Variants in RELN observed in about 807,000 individuals in gnomAD.
RELN encodes reelin.
A neutral mutation model predicts 427.6 loss-of-function variants in RELN; 108 were observed. The ratio of observed to expected loss-of-function variants is 0.25; its 90% CI spans 0.22 to 0.30. The LOEUF (loss-of-function observed/expected upper bound fraction) is 0.30, where lower values mean the gene tolerates loss of function less well. Ranked by LOEUF, RELN falls within the 10% of genes least tolerant of loss-of-function variation. RELN has a pLI of 1.00. For synonymous variants in RELN, 1,524 were observed against 1,513.4 expected, an observed-to-expected ratio of 1.01 and a Z score of -0.16; for missense variants, 3,715 against 4,302.8, an observed-to-expected ratio of 0.86 and a Z score of 3.82.
intron 20 of RELN, among the ~76,000 whole-genome samples, chr7:103,623,216 T>C (rs183447002): frequency 1.6e-4 from 24 of 152,340 alleles, no homozygotes; most frequent in Non-Finnish European, 5.9e-5. Flanking sequence ...AATCATTTAC[T>C]GTGAAATGGT....
chr7:103,894,495 A>C (rs773636729), intron 2 of RELN, among the ~76,000 whole-genome samples: 1 of 152,156 alleles, frequency 6.6e-6, no homozygotes, highest in Admixed American at 6.6e-5. Flanking sequence ...ATTTAAAAGC[A>C]TGCTATTTTT....
chr7:103,568,192 C>T (rs896935445), intron 31 of RELN, among the ~76,000 whole-genome samples: 23 of 152,308 alleles, frequency 1.5e-4, no homozygotes, highest in Admixed American at 5.9e-4. Context: ...AACCCTTTAT[C>T]ACATTGGATA....
Position 103,551,076 on chromosome 7 carries a change from T to C in RELN, c.6293A>G (p.His2098Arg). Reference sequence around the variant, plus strand: ...AGCAGCGGGTCCTTACCCACAAAGGTGCAGCTTCCCAAAGTGCACGACCTC... The same window carrying C: ...AGCAGCGGGTCCTTACCCACAAAGGCGCAGCTTCCCAAAGTGCACGACCTC... ...RREVVHFGKL[H>R]LCGSVRFRWY... Residue 2098 changes from histidine to arginine, a missense_variant, in exon 41 of 65, where the codon CAC (histidine) becomes CGC (arginine). Coordinates refer to ENST00000428762, the MANE Select transcript of RELN (RefSeq NM_005045.4). 1 of 1,612,932 alleles carries C rather than the reference T, an allele frequency of 6.2e-7. No homozygotes were observed. The highest frequency in any genetic ancestry group is 8.5e-7 in the Non-Finnish European group (1 of 1,179,806).
chr7:103,958,731 G>C (rs1796487487), intron 1 of RELN, among the ~76,000 whole-genome samples: 1 of 152,034 alleles, frequency 6.6e-6, no homozygotes, highest in African/African-American at 2.4e-5. Context: ...TTACTGAATT[G>C]AGATTAAAGT....
intron 38 of RELN, among the ~76,000 whole-genome samples, chr7:103,556,584 G>T (rs533371971): frequency 6.6e-6 from 1 of 152,266 alleles, no homozygotes; most frequent in South Asian, 2.1e-4. Context: ...TTTGAATCAT[G>T]AGAGCAGTTT....
chr7:103,677,917 T>C (rs1833573473), intron 11 of RELN, among the ~76,000 whole-genome samples: 1 of 152,022 alleles, frequency 6.6e-6, no homozygotes, highest in South Asian at 2.1e-4. Context: ...ATTCAACATG[T>C]GTTCTGGGCT....
chr7:103,655,591 G>A (rs530120772), intron 12 of RELN, among the ~76,000 whole-genome samples: 98 of 151,986 alleles, frequency 6.4e-4, no homozygotes, highest in Non-Finnish European at 1.2e-3. Context: ...TGAGTAATTG[G>A]GTCTGATCTT....
chr7:103,678,577 A>G (rs899369841), intron 11 of RELN, among the ~76,000 whole-genome samples: 8 of 152,178 alleles, frequency 5.3e-5, no homozygotes, highest in African/African-American at 1.9e-4. Context: ...AATATGGATA[A>G]TTGGGAAAAC....
chr7:103,527,768 C>T (rs139788173), intron 46 of RELN, among the ~76,000 whole-genome samples: 1 of 152,286 alleles, frequency 6.6e-6, no homozygotes, highest in African/African-American at 2.4e-5. Context: ...TCTTCTTTGA[C>T]AAAGTTGGAG....
intron 2 of RELN, among the ~76,000 whole-genome samples, chr7:103,902,959 G>A (rs1795114764): frequency 6.6e-6 from 1 of 152,008 alleles, no homozygotes; most frequent in Admixed American, 6.6e-5. Flanking sequence ...ATTATTTTAA[G>A]TTTTTCTTGG....
At chr7:103,955,363 C>G (rs1796412260) in intron 1 of RELN, among the ~76,000 whole-genome samples, 2 of 152,174 alleles carry the variant, frequency 1.3e-5, no homozygotes, top group African/African-American at 2.4e-5. Flanking sequence ...ATTCCTTCCT[C>G]TAGAAATTAA....
At chr7:103,541,695 T>G (rs546682336) in intron 43 of RELN, among the ~76,000 whole-genome samples, 1 of 152,330 alleles carries the variant, frequency 6.6e-6, no homozygotes, top group Non-Finnish European at 1.5e-5. Flanking sequence ...AATCTTTATA[T>G]TAACTTAGTG....
rs1830462871 is a variant in RELN, at chr7:103,553,667, C to T, written c.5962G>A (p.Gly1988Arg). The change falls in exon 39 of 65, where the codon GGG becomes AGG. Residue 1988 changes from glycine (G) to arginine (R), a missense_variant. Gly to Arg is a moderately radical substitution (Grantham distance 125). Coordinates refer to ENST00000428762, the MANE Select transcript of RELN (RefSeq NM_005045.4). ...TAGATTCTTAATACTTACGGTGCCC[C>T]CTTTGAAGAATATGGACAATAAAGA... Reference protein sequence around the residue: ...IGLYCPYSSKGAPEEDSAMVF... With the variant: ...IGLYCPYSSKRAPEEDSAMVF... 6.2e-7 allele frequency: 1 copy of T among 1,613,828 alleles called. No individual in the cohort carries two copies. The highest frequency in any genetic ancestry group is 8.5e-7 in the Non-Finnish European group (1 of 1,179,968).
intron 4 of RELN, among the ~76,000 whole-genome samples, chr7:103,765,227 A>G (rs886083575): frequency 3.9e-5 from 6 of 152,252 alleles, no homozygotes; most frequent in South Asian, 2.1e-4. Context: ...TGAAGCTATC[A>G]GAAAGAGAAA....
At chr7:103,799,329 C>T (rs917766679) in intron 3 of RELN, among the ~76,000 whole-genome samples, 1 of 152,092 alleles carries the variant, frequency 6.6e-6, no homozygotes, top group Non-Finnish European at 1.5e-5. Context: ...GGTCTAGTTA[C>T]ATAGGATGCT....
intron 7 of RELN, 30 bp downstream of exon 7, chr7:103,728,081 G>T (rs1584440382): frequency 3.1e-6 from 5 of 1,601,582 alleles, no homozygotes; most frequent in Middle Eastern, 3.3e-4. Flanking sequence ...TACTATAATG[G>T]AATAATGTAC....
chr7:103,950,813 A>G (rs1796316034), intron 1 of RELN, among the ~76,000 whole-genome samples: 1 of 152,244 alleles, frequency 6.6e-6, no homozygotes, highest in African/African-American at 2.4e-5. Flanking sequence ...TTTCCTTGTT[A>G]AAGATACTAC....
At chr7:103,557,653 A>G (rs986180038) in intron 37 of RELN, among the ~76,000 whole-genome samples, 10 of 152,218 alleles carry the variant, frequency 6.6e-5, no homozygotes, top group African/African-American at 2.4e-4. Context: ...TAAGTTAAAC[A>G]TTTTAAAATT....
At chr7:103,855,332 C>G (rs1215690573) in intron 2 of RELN, among the ~76,000 whole-genome samples, 2 of 152,152 alleles carry the variant, frequency 1.3e-5, no homozygotes, top group African/African-American at 4.8e-5. Context: ...GAATGGGAGG[C>G]CATCACTTGC....
Sources: gnomAD v4.1 joint callset for allele counts (sites outside exome capture counted in the v4.1 genomes callset) on GRCh38, gnomAD v4.1.1 for gene constraint, MANE v1.5 for transcripts, NCBI Gene and HGNC (gene_info 2026-07-23, HGNC 2026-07-21) for gene names.